Variants in ZNF385B observed in about 807,000 individuals in gnomAD.
ZNF385B encodes zinc finger protein 385B.
ZNF385B carries 23 observed loss-of-function variants against 39.2 expected under a neutral mutation model. The observed-to-expected ratio is 0.59, with a 90% CI of 0.42 to 0.83. The LOEUF is 0.83. Ranked by LOEUF, ZNF385B falls within the 40% of genes least tolerant of loss-of-function variation. ZNF385B has a pLI of 0.00. For missense variants in ZNF385B, 552 were observed against 598.9 expected (o/e 0.92, Z 0.82); for synonymous variants, 205 against 222.6 (o/e 0.92, Z 0.70).
chr2:179,484,256 T>G (rs944159039), intron 5 of ZNF385B, among the ~76,000 whole-genome samples: 5 of 151,992 alleles, frequency 3.3e-5, no homozygotes, highest in African/African-American at 1.2e-4. Flanking sequence ...CAACAAGGCT[T>G]TTCTCTTATT....
intron 3 of ZNF385B, among the ~76,000 whole-genome samples, chr2:179,668,628 T>C (rs1439516636): frequency 6.6e-6 from 1 of 151,886 alleles, no homozygotes; most frequent in Non-Finnish European, 1.5e-5. Flanking sequence ...CTTTCTTTTT[T>C]TTTTTTTTTT....
chr2:179,664,005 A>G (rs1287960286), intron 3 of ZNF385B, among the ~76,000 whole-genome samples: 4 of 152,052 alleles, frequency 2.6e-5, no homozygotes, highest in Non-Finnish European at 4.4e-5. Flanking sequence ...AATGATTTCC[A>G]GAGAATGTAA....
At chr2:179,667,495 T>C (rs969153540) in intron 3 of ZNF385B, among the ~76,000 whole-genome samples, 1 of 152,180 alleles carries the variant, frequency 6.6e-6, no homozygotes, top group African/African-American at 2.4e-5. Context: ...TAACCCCTTT[T>C]TGTACCACAT....
chr2:179,722,654 C>T (rs1700767394), intron 3 of ZNF385B, among the ~76,000 whole-genome samples: 1 of 151,978 alleles, frequency 6.6e-6, no homozygotes. Context: ...CATATAATCT[C>T]AAGGTAGAGA....
At chr2:179,684,580 A>G (rs543177821) in intron 3 of ZNF385B, among the ~76,000 whole-genome samples, 8 of 152,276 alleles carry the variant, frequency 5.3e-5, no homozygotes, top group Non-Finnish European at 1.2e-4. Context: ...ACTCACATCT[A>G]CCTTATTTAT....
chr2:179,476,132 C>T (rs1028465547), intron 6 of ZNF385B, among the ~76,000 whole-genome samples: 14 of 151,806 alleles, frequency 9.2e-5, no homozygotes, highest in African/African-American at 2.9e-4. Context: ...TGATCATCCA[C>T]CTGTGTCAGA....
At chr2:179,561,748 A>G (rs369787497) in intron 3 of ZNF385B, among the ~76,000 whole-genome samples, 3 of 152,148 alleles carry the variant, frequency 2.0e-5, no homozygotes, top group Non-Finnish European at 4.4e-5. Flanking sequence ...ACCTACTCTT[A>G]TAACAGACAA....
intron 3 of ZNF385B, among the ~76,000 whole-genome samples, chr2:179,689,159 A>C (rs959008501): frequency 6.6e-6 from 1 of 152,226 alleles, no homozygotes; most frequent in African/African-American, 2.4e-5. Context: ...AGTCTACTTA[A>C]TTTCCTAGGA....
chr2:179,788,928 A>G (rs535744215), intron 1 of ZNF385B, among the ~76,000 whole-genome samples: 2 of 152,262 alleles, frequency 1.3e-5, no homozygotes, highest in South Asian at 4.1e-4. Context: ...AGCCTGATGA[A>G]AAGCTGATTT....
intron 3 of ZNF385B, among the ~76,000 whole-genome samples, chr2:179,711,970 G>A (rs930313259): frequency 6.4e-5 from 9 of 141,354 alleles, no homozygotes; most frequent in African/African-American, 1.6e-4. Context: ...AAGTCCCCTC[G>A]ATAAACTCTG....
At chr2:179,747,687 G>A (rs930444300) in intron 3 of ZNF385B, among the ~76,000 whole-genome samples, 10 of 152,026 alleles carry the variant, frequency 6.6e-5, no homozygotes, top group South Asian at 4.1e-4. Context: ...TTGATTATAC[G>A]CCAATCCCTT....
chr2:179,821,416 G>A (rs1319134404), intron 1 of ZNF385B, among the ~76,000 whole-genome samples: 1 of 152,134 alleles, frequency 6.6e-6, no homozygotes, highest in African/African-American at 2.4e-5. Flanking sequence ...TGAGAACAAC[G>A]TAGGAGCTGC....
intron 6 of ZNF385B, among the ~76,000 whole-genome samples, chr2:179,478,542 A>T (rs1177478387): frequency 6.6e-6 from 1 of 152,214 alleles, no homozygotes; most frequent in East Asian, 1.9e-4. Context: ...ATGCTGGCTC[A>T]ATTATCTTTG....
chr2:179,458,872 G>A (rs1439499181), intron 6 of ZNF385B, among the ~76,000 whole-genome samples: 1 of 152,082 alleles, frequency 6.6e-6, no homozygotes, highest in African/African-American at 2.4e-5. Flanking sequence ...GTCACCTCTT[G>A]GAGATTTACT....
At chr2:179,666,612 T>C (rs1169577253) in intron 3 of ZNF385B, among the ~76,000 whole-genome samples, 3 of 152,158 alleles carry the variant, frequency 2.0e-5, no homozygotes, top group Non-Finnish European at 4.4e-5. Flanking sequence ...ATTTTATTAA[T>C]GAAGAAACTG....
intron 1 of ZNF385B, among the ~76,000 whole-genome samples, chr2:179,839,041 GA>G (rs1036422178): frequency 7.9e-5 from 12 of 152,132 alleles, no homozygotes; most frequent in African/African-American, 2.9e-4. Context: ...TCTGAAGGAG[GA>G]AAAATATCTA....
chr2:179,504,671 G>C (rs533294276), intron 5 of ZNF385B, among the ~76,000 whole-genome samples: 1 of 147,824 alleles, frequency 6.8e-6, no homozygotes, highest in African/African-American at 2.7e-5. Context: ...GGTGGGGAGA[G>C]GGGGGAGGGA....
chr2:179,447,508 A>C (rs2049624313), intron 6 of ZNF385B, among the ~76,000 whole-genome samples: 1 of 152,212 alleles, frequency 6.6e-6, no homozygotes, highest in South Asian at 2.1e-4. Context: ...GCCCATGTGC[A>C]GGCTATGAGA....
chr2:179,796,787 C>G (rs891818338), intron 1 of ZNF385B, among the ~76,000 whole-genome samples: 1 of 152,168 alleles, frequency 6.6e-6, no homozygotes, highest in Admixed American at 6.5e-5. Context: ...GTGGACTGTT[C>G]AGGCTGAACA....
Sources: allele counts gnomAD v4.1 joint callset (sites outside exome capture counted in the v4.1 genomes callset), GRCh38; gene constraint gnomAD v4.1.1; transcripts MANE v1.5; gene names NCBI Gene and HGNC (gene_info 2026-07-23, HGNC 2026-07-21).